The following ABCC5 variants were observed in gnomAD, a reference collection of about 807,000 sequenced individuals.
The protein encoded by ABCC5 is ATP-binding cassette sub-family C member 5.
A neutral mutation model predicts 160.9 loss-of-function variants in ABCC5; 61 were observed. The observed-to-expected ratio is 0.38, with a 90% confidence interval of 0.31 to 0.47. The LOEUF is 0.47. Ranked by LOEUF, ABCC5 falls within the 20% of genes least tolerant of loss-of-function variation. The pLI is 0.99. For missense variants in ABCC5, 1,308 were observed against 1,813.3 expected (o/e 0.72, Z 5.06); for synonymous variants, 666 against 700.6 (o/e 0.95, Z 0.78).
intron 20 of ABCC5, among the ~76,000 whole-genome samples, chr3:183,950,819 A>G (rs1247630223): frequency 6.6e-6 from 1 of 152,204 alleles, no homozygotes; most frequent in Non-Finnish European, 1.5e-5. Context: ...AACCCCTTCC[A>G]TGAAGGCAGC....
chr3:184,017,120 C>T lies in ABCC5; in HGVS notation c.-56+710G>A, dbSNP rs916614381. Among the ~76,000 whole-genome samples the T allele has an allele frequency of 1.3e-5, 2 of 152,192 alleles. No individual in the cohort carries two copies. Among genetic ancestry groups the T allele is most frequent in the Non-Finnish European group, 2.9e-5 (2 of 68,022 alleles). On this transcript the variant is annotated intron_variant, in intron 1 of 29. Transcript: ENST00000334444. This position sits in a 1 kb window ranked among gnomAD's most constrained non-coding sequence, Gnocchi z 4.5. ...CTCCAAGACCTCCTGAAACTTTCCC[C>T]GTCGTTCCTGTGCCCACCTGCCTCC...
intron 28 of ABCC5, among the ~76,000 whole-genome samples, chr3:183,926,450 G>A (rs1000223810): frequency 2.0e-5 from 3 of 151,058 alleles, no homozygotes; most frequent in African/African-American, 4.9e-5. Flanking sequence ...CTCGGGAGGC[G>A]GAGGCAAGAG....
At chr3:183,961,905 G>A (rs1716779251) in intron 15 of ABCC5, among the ~76,000 whole-genome samples, 3 of 152,194 alleles carry the variant, frequency 2.0e-5, no homozygotes, top group Admixed American at 6.5e-5. Flanking sequence ...TCAGCCTCCC[G>A]AATAGCTGGG....
chr3:183,985,714 G>C lies in ABCC5; in HGVS notation c.591+2056C>G, dbSNP rs1417688301. ...TAAGTGTAGCAATGTGGCTACACAG[G>C]ACCACACTGTTAGAGATTCTGGTAC... On this transcript the variant is annotated intron_variant, in intron 5 of 29. Coordinates refer to ENST00000334444, the MANE Select transcript of ABCC5 (RefSeq NM_005688.4). The C allele has an allele frequency of 2.7e-5, 10 of 373,692 alleles. No individual in the cohort carries two copies. The Admixed American group carries it at 3.4e-4, about 13-fold the overall frequency. The allele number at this position is 373,692 out of a possible 1,614,324, so 23.1% of individuals were successfully genotyped here. A position where few individuals can be genotyped will look rare whatever the true frequency, so the allele number is the denominator to read the frequency against.
In ABCC5 at chr3:184,007,016, C is replaced by CTTTTT. The variant is rs376229755; in HGVS notation, c.129+7243_129+7247dup. On this transcript the variant is annotated intron_variant, in intron 2 of 29. Transcript: ENST00000334444. The stretch of plus-strand genomic sequence containing the variant: ...GTACATGAACTTTAGTTTACTTCTG[C>CTTTTT]TTTTTTTTTTTTTTTTTTTTTTTTG... Among the ~76,000 whole-genome samples, 510 of 81,148 alleles carry CTTTTT rather than the reference C, an allele frequency of 6.3e-3. 26 individuals carry two copies. Among genetic ancestry groups the CTTTTT allele is most frequent in the Non-Finnish European group, 9.0e-3 (410 of 45,304 alleles). The allele number at this position is 81,148 out of a possible 152,430, so 53.2% of individuals were successfully genotyped here. A position where few individuals can be genotyped will look rare whatever the true frequency, so the allele number is the denominator to read the frequency against.
intron 1 of ABCC5, among the ~76,000 whole-genome samples, chr3:184,016,868 CAGG>C (rs1722234474): frequency 6.6e-6 from 1 of 152,162 alleles, no homozygotes; most frequent in Admixed American, 6.5e-5. Context: ...AACTGCATGG[CAGG>C]AGGAGAGTTG....
In ABCC5 at chr3:183,942,826, C is replaced by T; in HGVS notation, c.3595G>A (p.Glu1199Lys). Residue 1199 changes from glutamate to lysine, a missense_variant, in exon 25 of 30, where the codon GAG becomes AAG. Physicochemically the swap from Glu to Lys is moderately conservative, Grantham distance 56 (BLOSUM62 1). Around this residue, in one of 3 missense-constraint regions of ABCC5, gnomAD observed 1,142 missense variants for 1,527.1 expected, o/e 0.75. Coordinates refer to ENST00000334444, the MANE Select transcript of ABCC5 (RefSeq NM_005688.4). ...QEGEVTFENA[E>K]MRYRENLPLV... ...GGGAGGTTTTCTCGGTACCTCATCTCTGCGTTCTCAAAGGTCACCTCTCCC... is the reference window on the plus strand; with the variant it reads ...GGGAGGTTTTCTCGGTACCTCATCTTTGCGTTCTCAAAGGTCACCTCTCCC... 1.2e-6 allele frequency: 2 copies of T among 1,614,180 alleles called. No homozygotes were observed. The highest frequency in any genetic ancestry group is 1.3e-5 in the African/African-American group (1 of 75,040).
At chr3:183,956,167 CGGTT>C (rs1482739212) in intron 17 of ABCC5, among the ~76,000 whole-genome samples, 20 of 141,334 alleles carry the variant, frequency 1.4e-4, no homozygotes, top group African/African-American at 4.7e-4. Flanking sequence ...TAAATCACAT[CGGTT>C]ACATGCAGAT....
chr3:183,925,035 C>T (rs1712391338), intron 29 of ABCC5, among the ~76,000 whole-genome samples: 1 of 152,208 alleles, frequency 6.6e-6, no homozygotes, highest in South Asian at 2.1e-4. Context: ...GAAGGCAAGG[C>T]TAGGGCCAGG....
At chr3:183,985,231 G>T in intron 5 of ABCC5, 2 of 1,319,540 alleles carry the variant, frequency 1.5e-6, no homozygotes, top group Non-Finnish European at 1.1e-6. Context: ...AAACAAACTG[G>T]AAGAAAACTT....
chr3:183,999,432 AATAAT>A (rs1246137360), intron 2 of ABCC5, among the ~76,000 whole-genome samples: 13 of 152,168 alleles, frequency 8.5e-5, no homozygotes, highest in Non-Finnish European at 2.9e-5. Flanking sequence ...CAAAAGCATA[AATAAT>A]ATAACAAGGT....
At chr3:184,015,001 TATAAC>T (rs1229719273) in intron 1 of ABCC5, among the ~76,000 whole-genome samples, 2 of 152,156 alleles carry the variant, frequency 1.3e-5, no homozygotes, top group Admixed American at 6.5e-5. Context: ...AAAACAATGT[TATAAC>T]TTAACTTCAA....
rs550492698 is a variant in ABCC5 at position 184,011,571 on chromosome 3, T to G, written c.129+2693A>C. Among the ~76,000 whole-genome samples, 3 of 152,286 alleles carry G rather than the reference T, an allele frequency of 2.0e-5. 1 individual carries two copies. The South Asian group carries it at 6.2e-4, about 32-fold the overall frequency. On this transcript the variant is annotated intron_variant, in intron 2 of 29. Coordinates refer to ENST00000334444, the MANE Select transcript of ABCC5 (RefSeq NM_005688.4). Reference sequence around the variant, plus strand: ...GGCATTAATCCAGAGAAATAAAAGCTTATGTTCACACAAAATCCTGTAACT... The same window carrying G: ...GGCATTAATCCAGAGAAATAAAAGCGTATGTTCACACAAAATCCTGTAACT...
chr3:183,985,241 T>G, intron 5 of ABCC5: 22 of 1,378,288 alleles, frequency 1.6e-5, no homozygotes, highest in Middle Eastern at 1.8e-4. Flanking sequence ...GAAGAAAACT[T>G]GAGACTGTTA....
rs1017134004 is a variant in ABCC5 at position 183,978,557 on chromosome 3, G to A, written c.1242C>T (p.Ser414=). The A allele has an allele frequency of 8.7e-6, 14 of 1,614,154 alleles. No homozygotes were observed. Among genetic ancestry groups the A allele is most frequent in the South Asian group, 1.1e-5 (1 of 91,076 alleles). ...TCATATGAACAGAGAAGGTCACCAC[G>A]CTGGCAATCACCACCACAATGGGAG... ...GVAPIVVVIA[S]VVTFSVHMTL... is the part of the protein sequence containing the mutation. The change falls in exon 9 of 30, where the codon AGC becomes AGT. Residue 414 remains serine, a synonymous_variant. Coordinates refer to ENST00000334444, the MANE Select transcript of ABCC5 (RefSeq NM_005688.4).
chr3:183,987,713 T>C lies in ABCC5; in HGVS notation c.591+57A>G, dbSNP rs1046994394. 1.2e-6 allele frequency: 2 copies of C among 1,610,792 alleles called. No homozygotes were observed. The highest frequency in any genetic ancestry group is 2.7e-5 in the African/African-American group (2 of 74,866). On this transcript the variant is annotated intron_variant, in intron 5 of 29. Coordinates refer to ENST00000334444, the MANE Select transcript of ABCC5 (RefSeq NM_005688.4). This position sits in a 1 kb window ranked among gnomAD's most constrained non-coding sequence, Gnocchi z 4.2. Reference sequence around the variant, plus strand: ...AACCTCTGCAACAGAATAAGAGTGTTAGAGCTGGCCGTGGCCGGGCCCCTG... The same window carrying C: ...AACCTCTGCAACAGAATAAGAGTGTCAGAGCTGGCCGTGGCCGGGCCCCTG...
intron 11 of ABCC5, among the ~76,000 whole-genome samples, chr3:183,968,391 T>C (rs1442931226): frequency 2.0e-5 from 3 of 152,170 alleles, no homozygotes; most frequent in African/African-American, 7.2e-5. Context: ...ATTACAGGCA[T>C]GAGCCACCAC....
intron 2 of ABCC5, among the ~76,000 whole-genome samples, chr3:184,007,280 A>C (rs1721301780): frequency 6.6e-6 from 1 of 151,492 alleles, no homozygotes; most frequent in African/African-American, 2.4e-5. Context: ...TCGGCCTCCC[A>C]AAGTGCTGAG....
In ABCC5 at chr3:183,971,647, G is replaced by A. The variant is rs561728648; in HGVS notation, c.1677C>T (p.Pro559=). Residue 559 remains proline (P), a synonymous_variant, in exon 11 of 30, where the codon CCC becomes CCT. Transcript: ENST00000334444. ...GGATGTGCTTGCCTTCTTCCTCTTC[G>A]GGACTGGGCCGCTCGTCACTGTCCA... ...LLLDSDERPS[P]EEEEGKHIHL... 2.7e-5 allele frequency: 44 copies of A among 1,614,112 alleles called. No individual in the cohort carries two copies. Among genetic ancestry groups the A allele is most frequent in the Middle Eastern group, 1.7e-4 (1 of 6,058 alleles).
Sources: gnomAD v4.1 joint callset for allele counts (sites outside exome capture counted in the v4.1 genomes callset) on GRCh38, gnomAD v4.1.1 for gene constraint, gnomAD v4.1.1 regional missense constraint, Gnocchi (gnomAD v3.1) non-coding constraint, MANE v1.5 for transcripts, NCBI Gene and HGNC (gene_info 2026-07-23, HGNC 2026-07-21) for gene names.